MPZL2: variants seen among roughly 807,000 people sequenced by gnomAD.
MPZL2 encodes myelin protein zero-like protein 2.
MPZL2 carries 32 observed loss-of-function variants against 24.5 expected under a neutral mutation model. That is an observed-to-expected ratio of 1.31 (90% CI 0.99 to 1.76). The LOEUF is 1.76. Ranked by LOEUF, MPZL2 falls within the 40% of genes most tolerant of loss-of-function variation. The pLI, the probability that MPZL2 is intolerant of heterozygous loss-of-function variation, is 0.00. For synonymous variants in MPZL2, 92 were observed against 97.9 expected (o/e 0.94, Z 0.36); for missense variants, 304 against 274.9 (o/e 1.11, Z -0.75).
At position 118,263,112 on chromosome 11, in the gene MPZL2, A is replaced by G; in HGVS notation, c.59-15T>C. On this transcript the variant is annotated splice_polypyrimidine_tract_variant and intron_variant, in intron 1 of 5. Coordinates refer to ENST00000278937, the MANE Select transcript of MPZL2 (RefSeq NM_005797.4). ...AGGCCAAAGAGCTGCAATGAAAAAG[A>G]AGAAAAAGAAGGGTTAACAGGGGAT... The G allele has an allele frequency of 6.2e-7, 1 of 1,610,404 alleles. No individual in the cohort carries two copies. Among genetic ancestry groups the G allele is most frequent in the Non-Finnish European group, 8.5e-7 (1 of 1,178,806 alleles).
intron 3 of MPZL2, 45 bp downstream of exon 3, chr11:118,262,393 C>T: frequency 1.3e-6 from 2 of 1,587,748 alleles, no homozygotes; most frequent in Non-Finnish European, 1.7e-6. Flanking sequence ...TTCTTTTCTA[C>T]AAGCTCTCAT....
At chr11:118,257,413 G>A in intron 4 of MPZL2, 100 bp from the exon 5 acceptor site, 1 of 962,530 alleles carries the variant, frequency 1.0e-6, no homozygotes, top group Non-Finnish European at 1.6e-6. Context: ...CCATATTTTT[G>A]GAAGAATTAC....
intron 2 of MPZL2, 68 bp from the exon 3 acceptor site, chr11:118,262,716 G>A: frequency 1.3e-6 from 2 of 1,517,246 alleles, no homozygotes; most frequent in African/African-American, 1.4e-5. Flanking sequence ...GATGGTGGGA[G>A]CGGAAGTGAA....
intron 3 of MPZL2, 106 bp from the exon 4 acceptor site, chr11:118,260,307 T>C: frequency 8.5e-7 from 1 of 1,175,284 alleles, no homozygotes; most frequent in Non-Finnish European, 1.2e-6. Flanking sequence ...AATCTTCCTT[T>C]ATCCTACCTT....
chr11:118,256,886 A>G (rs1949663607), intron 5 of MPZL2: 1 of 157,552 alleles, frequency 6.3e-6, no homozygotes, highest in East Asian at 1.8e-4. Flanking sequence ...TACAATTAAA[A>G]AAAAAGAATA....
rs994104130 is a variant in MPZL2, at chr11:118,262,326, T to C, written c.436+112A>G. The C allele has an allele frequency of 2.6e-6, 3 of 1,134,474 alleles. No homozygotes were observed. In the African/African-American group the frequency reaches 4.6e-5, roughly 17 times the overall value. The allele number at this position is 1,134,474 out of a possible 1,614,324, so 70.3% of individuals were successfully genotyped here. On this transcript the variant is annotated intron_variant, in intron 3 of 5. Transcript: ENST00000278937. The stretch of plus-strand genomic sequence containing the variant: ...CCCAGTTCTGAAGGGCTAGTCCCTC[T>C]CTCTATCCATCACAAAAGATTGTCC...
At chr11:118,264,038 A>G in intron 1 of MPZL2, 58 bp downstream of exon 1, 2 of 1,514,446 alleles carry the variant, frequency 1.3e-6, no homozygotes, top group Middle Eastern at 1.7e-4. Context: ...ACAATTAGCT[A>G]ACTTTATAGA....
At chr11:118,264,040 C>T (rs1949721416) in intron 1 of MPZL2, 56 bp downstream of exon 1, 3 of 1,544,242 alleles carry the variant, frequency 1.9e-6, no homozygotes, top group Middle Eastern at 1.7e-4. Flanking sequence ...AATTAGCTAA[C>T]TTTATAGAGT....
chr11:118,259,006 T>C (rs1949680571), intron 4 of MPZL2, among the ~76,000 whole-genome samples: 1 of 55,326 alleles, frequency 1.8e-5, no homozygotes, highest in African/African-American at 7.7e-5. Context: ...AATACACGGT[T>C]ATGATTAAAA....
chr11:118,260,107 A>C lies in MPZL2; in HGVS notation c.531T>G (p.His177Gln). The C allele has an allele frequency of 1.2e-6, 2 of 1,614,122 alleles. No individual in the cohort carries two copies. The highest frequency in any genetic ancestry group is 1.7e-6 in the Non-Finnish European group (2 of 1,179,984). ...TTTCGGCCCATCGCTTTTTCCGGTA[A>C]TGCTGGAAGAGGACCACTACAATTA... ...IIVIVVVLFQHYRKKRWAERA... is the reference protein window; with the variant it reads ...IIVIVVVLFQQYRKKRWAERA... Residue 177 changes from histidine to glutamine, a missense_variant, in exon 4 of 6, where the codon CAT becomes CAG. Physicochemically the swap from His to Gln is conservative, Grantham distance 24. Coordinates refer to ENST00000278937, the MANE Select transcript of MPZL2 (RefSeq NM_005797.4).
rs1471115386 is a variant in MPZL2, at chr11:118,262,946, C to T, written c.210G>A (p.Gly70=). Reference sequence around the variant, plus strand: ...ATCTACTTACAAACTGCTCAGGTCCCCCGTCTAGAGGACGAAAATTCCAGG... The same window carrying T: ...ATCTACTTACAAACTGCTCAGGTCCTCCGTCTAGAGGACGAAAATTCCAGG... ...TVTWNFRPLD[G]GPEQFVFYYH... Residue 70 remains glycine, a synonymous_variant, in exon 2 of 6, where the codon GGG becomes GGA. Transcript: ENST00000278937. The T allele has an allele frequency of 5.0e-6, 8 of 1,614,080 alleles. No individual in the cohort carries two copies. Among genetic ancestry groups the T allele is most frequent in the Non-Finnish European group, 6.8e-6 (8 of 1,179,998 alleles).
At chr11:118,261,535 A>G (rs190944178) in intron 3 of MPZL2, among the ~76,000 whole-genome samples, 10 of 152,370 alleles carry the variant, frequency 6.6e-5, no homozygotes, top group Admixed American at 5.9e-4. Context: ...GTTAAGTACA[A>G]TTCAGAGGTT....
At position 118,257,278 on chromosome 11, in the gene MPZL2, AC is replaced by A. The variant is rs1949667336; in HGVS notation, c.619del (p.Val207SerfsTer5). 1 of 1,611,972 alleles carries A rather than the reference AC, an allele frequency of 6.2e-7. No homozygotes were observed. Among genetic ancestry groups the A allele is most frequent in the East Asian group, 2.2e-5 (1 of 44,792 alleles). On this transcript the variant is annotated frameshift_variant, in exon 5 of 6. Transcript: ENST00000278937. LOFTEE classifies it high-confidence loss of function. ...EEERLNQEKKVSVYLEDTD is the reference protein window; with the variant it reads ...EEERLNQEKKXSVYLEDTD ...GTCTGTGTCTTCTAAATAAACAGAG[AC>A]CTTTTTCTCTTGGTTGAGCCTTTCC... is the stretch of plus-strand genomic sequence containing the variant.
intron 3 of MPZL2, 100 bp from the exon 4 acceptor site, chr11:118,260,301 T>C: frequency 8.0e-7 from 1 of 1,251,588 alleles, no homozygotes; most frequent in Non-Finnish European, 1.1e-6. Context: ...AGATGGAATC[T>C]TCCTTTATCC....
In MPZL2 at chr11:118,257,333, A is replaced by G; in HGVS notation, c.585-20T>C. 1.2e-6 allele frequency: 2 copies of G among 1,602,238 alleles called. No homozygotes were observed. Among genetic ancestry groups the G allele is most frequent in the South Asian group, 2.2e-5 (2 of 89,710 alleles). On this transcript the variant is annotated intron_variant, in intron 4 of 5. Coordinates refer to ENST00000278937, the MANE Select transcript of MPZL2 (RefSeq NM_005797.4). ...TCTTTTCTGTAACAAGCAGAAACCA[A>G]ATGTCAGGTGAACAAGACAAGAAGC...
chr11:118,259,272 C>T (rs1949682571), intron 4 of MPZL2: 1 of 152,126 alleles, frequency 6.6e-6, no homozygotes, highest in East Asian at 1.9e-4. Context: ...CCTAAATGCC[C>T]ATCAATTGAA....
chr11:118,259,887 TA>T, intron 4 of MPZL2, 166 bp downstream of exon 4: 1 of 694,124 alleles, frequency 1.4e-6, no homozygotes, highest in Non-Finnish European at 2.2e-6. Flanking sequence ...AAAGCTTTTG[TA>T]AAGTTACTAG....
chr11:118,263,664 A>T (rs1949719326), intron 1 of MPZL2, among the ~76,000 whole-genome samples: 1 of 152,092 alleles, frequency 6.6e-6, no homozygotes, highest in South Asian at 2.1e-4. Flanking sequence ...TTTAAACTTG[A>T]TATTTACATT....
Position 118,264,282 on chromosome 11 carries a change from C to A in MPZL2, c.-129G>T. On this transcript the variant is annotated 5_prime_UTR_variant, in exon 1 of 6. Transcript: ENST00000278937. Reference sequence around the variant, plus strand: ...AGAGAGGAGTTTGAGTTGAGTTCCTCACCTGTGCCTGTGACTCAGCCCGCT... The same window carrying A: ...AGAGAGGAGTTTGAGTTGAGTTCCTAACCTGTGCCTGTGACTCAGCCCGCT... 1.2e-6 allele frequency: 1 copy of A among 836,062 alleles called. No individual in the cohort carries two copies. Among genetic ancestry groups the A allele is most frequent in the South Asian group, 1.4e-5 (1 of 69,716 alleles). The allele number at this position is 836,062 out of a possible 1,614,324, so 51.8% of individuals were successfully genotyped here.
Sources: allele counts gnomAD v4.1 joint callset (sites outside exome capture counted in the v4.1 genomes callset), GRCh38; gene constraint gnomAD v4.1.1; transcripts MANE v1.5; gene names NCBI Gene and HGNC (gene_info 2026-07-23, HGNC 2026-07-21).